The following NR3C2 variants were observed in gnomAD, a reference collection of about 807,000 sequenced individuals.
NR3C2 encodes the protein nuclear receptor subfamily 3 group C member 2.
Under a neutral mutation model 86.4 loss-of-function variants are expected in NR3C2, and 15 were observed. That is an observed-to-expected ratio of 0.17 (90% CI 0.12 to 0.27). The LOEUF (loss-of-function observed/expected upper bound fraction) is 0.27, where lower values mean the gene tolerates loss of function less well. Ranked by LOEUF, NR3C2 falls within the 10% of genes least tolerant of loss-of-function variation. NR3C2 has a pLI of 1.00. For synonymous variants in NR3C2, 458 were observed against 450.5 expected, an observed-to-expected ratio of 1.02 and a Z score of -0.21; for missense variants, 960 against 1,195.6, an observed-to-expected ratio of 0.80 and a Z score of 2.91.
At chr4:148,159,613 G>A (rs904345729) in intron 4 of NR3C2, among the ~76,000 whole-genome samples, 1 of 152,188 alleles carries the variant, frequency 6.6e-6, no homozygotes, top group Non-Finnish European at 1.5e-5. Flanking sequence ...CCAGGGTGAG[G>A]ATTTGAATCC....
intron 2 of NR3C2, among the ~76,000 whole-genome samples, chr4:148,329,638 G>C (rs1744137320): frequency 1.3e-5 from 2 of 152,186 alleles, no homozygotes; most frequent in South Asian, 2.1e-4. Flanking sequence ...CCACCATGTA[G>C]ACATTCACAT....
At chr4:148,318,085 C>T (rs1042076649) in intron 2 of NR3C2, among the ~76,000 whole-genome samples, 2 of 144,708 alleles carry the variant, frequency 1.4e-5, no homozygotes, top group African/African-American at 5.1e-5. Context: ...TCCATGTGAT[C>T]TTACTGTTCA....
intron 3 of NR3C2, among the ~76,000 whole-genome samples, chr4:148,254,903 A>T (rs557498610): frequency 2.4e-4 from 37 of 152,316 alleles, no homozygotes; most frequent in African/African-American, 6.7e-4. Context: ...AAAACATCTA[A>T]TAAATATACA....
intron 2 of NR3C2, among the ~76,000 whole-genome samples, chr4:148,294,334 T>C (rs898767710): frequency 1.3e-5 from 2 of 152,174 alleles, no homozygotes; most frequent in African/African-American, 4.8e-5. Flanking sequence ...ATGTCATAAA[T>C]TTTGACAAGT....
intron 2 of NR3C2, among the ~76,000 whole-genome samples, chr4:148,341,366 A>G (rs890763961): frequency 5.3e-5 from 8 of 152,322 alleles, no homozygotes; most frequent in African/African-American, 1.9e-4. Flanking sequence ...AGAAAGATAA[A>G]TATCATGTGT....
chr4:148,317,947 C>T (rs1743297091), intron 2 of NR3C2, among the ~76,000 whole-genome samples: 1 of 151,144 alleles, frequency 6.6e-6, no homozygotes, highest in Non-Finnish European at 1.5e-5. Flanking sequence ...CATATGTATA[C>T]ATGTGCCATG....
At chr4:148,278,859 C>G (rs1406571209) in intron 2 of NR3C2, among the ~76,000 whole-genome samples, 1 of 151,712 alleles carries the variant, frequency 6.6e-6, no homozygotes, top group African/African-American at 2.4e-5. Flanking sequence ...TCACCAATAA[C>G]CACCCTTAAA....
intron 6 of NR3C2, among the ~76,000 whole-genome samples, chr4:148,130,423 C>G: frequency 6.6e-6 from 1 of 152,130 alleles, no homozygotes; most frequent in East Asian, 1.9e-4. Context: ...CAACTAAATA[C>G]CTTTTAGGTA....
chr4:148,435,920 GA>G lies in NR3C2; in HGVS notation c.940del (p.Ser314ArgfsTer24). The part of the protein sequence containing the change: ...NNSRCSVSSP[S>X]NTNNRSTLSS... ...AAGCGTGGATCTGTTATTAGTGTTCGAAGGGCTGGAAACAGAGCACCTTGAG... is the reference window on the plus strand; with the variant it reads ...AAGCGTGGATCTGTTATTAGTGTTCGAGGGCTGGAAACAGAGCACCTTGAG... On this transcript the variant is annotated frameshift_variant, in exon 2 of 9. Coordinates refer to ENST00000358102, the MANE Select transcript of NR3C2 (RefSeq NM_000901.5). The G allele has an allele frequency of 6.2e-7, 1 of 1,614,188 alleles. No homozygotes were observed. Among genetic ancestry groups the G allele is most frequent in the African/African-American group, 1.3e-5 (1 of 75,038 alleles).
At chr4:148,170,516 A>T (rs187547252) in intron 4 of NR3C2, among the ~76,000 whole-genome samples, 77 of 152,052 alleles carry the variant, frequency 5.1e-4, no homozygotes, top group Admixed American at 8.5e-4. Context: ...TTGAAAAAAA[A>T]TTTTTTTTGA....
rs143076685 is a variant in NR3C2, at chr4:148,167,574, G to A, written c.2015-12673C>T. 1.4e-3 allele frequency among the ~76,000 whole-genome samples: 217 copies of A among 152,196 alleles called. 2 individuals are homozygous for A. Among genetic ancestry groups the A allele is most frequent in the African/African-American group, 4.8e-3 (198 of 41,520 alleles). On this transcript the variant is annotated intron_variant, in intron 4 of 8. Coordinates refer to ENST00000358102, the MANE Select transcript of NR3C2 (RefSeq NM_000901.5). Reference sequence around the variant, plus strand: ...ACATGATATACTCTATACTCAACTCGTTTGTTCAGTTTCTGAAGTATTACG... The same window carrying A: ...ACATGATATACTCTATACTCAACTCATTTGTTCAGTTTCTGAAGTATTACG...
chr4:148,301,946 G>T lies in NR3C2; in HGVS notation c.1758-41829C>A, dbSNP rs28798239. ...GTAATATATGTTCCAAAATTGTATG[G>T]TATTTCTAAAATTCTAATGTCTGAG... On this transcript the variant is annotated intron_variant, in intron 2 of 8. Transcript: ENST00000358102. 6.3e-3 allele frequency among the ~76,000 whole-genome samples: 957 copies of T among 152,178 alleles called. 6 individuals are homozygous for T. The highest frequency in any genetic ancestry group is 0.022 in the African/African-American group (929 of 41,508).
chr4:148,229,324 C>T (rs1036571391), intron 3 of NR3C2, among the ~76,000 whole-genome samples: 5 of 152,242 alleles, frequency 3.3e-5, no homozygotes, highest in Non-Finnish European at 7.4e-5. Context: ...GTTGGCAGAA[C>T]CCCCTCTTTC....
At chr4:148,207,721 A>G (rs1737073786) in intron 3 of NR3C2, among the ~76,000 whole-genome samples, 1 of 152,230 alleles carries the variant, frequency 6.6e-6, no homozygotes, top group Non-Finnish European at 1.5e-5. Context: ...GATTAAGCCA[A>G]CAGTACAGTA....
chr4:148,182,747 G>A (rs1177805544), intron 4 of NR3C2, among the ~76,000 whole-genome samples: 1 of 152,218 alleles, frequency 6.6e-6, no homozygotes, highest in Non-Finnish European at 1.5e-5. Flanking sequence ...CCAGGCATAG[G>A]CTTTGCTGCC....
chr4:148,217,117 C>A (rs965047180), intron 3 of NR3C2, among the ~76,000 whole-genome samples: 5 of 152,190 alleles, frequency 3.3e-5, no homozygotes, highest in African/African-American at 1.2e-4. Flanking sequence ...CATAGATAAA[C>A]CAACCTGACT....
At chr4:148,438,788 C>T (rs1750196052) in intron 1 of NR3C2, among the ~76,000 whole-genome samples, 1 of 129,166 alleles carries the variant, frequency 7.7e-6, no homozygotes, top group African/African-American at 2.6e-5. Context: ...TTATAATTAC[C>T]TCTTACTTTT....
rs1388365371 is a variant in NR3C2, at chr4:148,400,165, GT to G, written c.1757+34938del. Among the ~76,000 whole-genome samples the G allele has an allele frequency of 2.0e-5, 3 of 152,218 alleles. No individual in the cohort carries two copies. In the East Asian group the frequency reaches 5.8e-4, roughly 29 times the overall value. ...CCAATAGTCTGGGATTTGATTAAAT[GT>G]CCAGGTCTACTGTTTTCACATTCTT... On this transcript the variant is annotated intron_variant, in intron 2 of 8. Coordinates refer to ENST00000358102, the MANE Select transcript of NR3C2 (RefSeq NM_000901.5).
intron 4 of NR3C2, among the ~76,000 whole-genome samples, chr4:148,178,938 A>AC (rs1456478953): frequency 6.6e-6 from 1 of 151,036 alleles, no homozygotes. Context: ...CAGGTAAAAA[A>AC]AAAAAAAAAC....
Sources: allele counts gnomAD v4.1 joint callset (sites outside exome capture counted in the v4.1 genomes callset), GRCh38; gene constraint gnomAD v4.1.1; transcripts MANE v1.5; gene names NCBI Gene and HGNC (gene_info 2026-07-23, HGNC 2026-07-21).